The following SGCZ variants were observed in gnomAD, a reference collection of about 807,000 sequenced individuals.
The protein encoded by SGCZ is zeta-sarcoglycan.
Under a neutral mutation model 41.3 loss-of-function variants are expected in SGCZ, and 40 were observed. That is an observed-to-expected ratio of 0.97 (90% CI 0.75 to 1.26). The LOEUF (loss-of-function observed/expected upper bound fraction) is 1.26. Ranked by LOEUF, SGCZ falls within the 50% of genes most tolerant of loss-of-function variation. SGCZ has a pLI of 0.00. For synonymous variants in SGCZ, 206 were observed against 137.5 expected (o/e 1.50, Z -3.49); for missense variants, 552 against 369.8 (o/e 1.49, Z -4.04).
intron 1 of SGCZ, among the ~76,000 whole-genome samples, chr8:15,139,713 T>A (rs1808250540): frequency 6.6e-6 from 1 of 152,200 alleles, no homozygotes; most frequent in African/African-American, 2.4e-5. Context: ...ATTAGATCTC[T>A]AGACCTGTAC....
chr8:15,140,642 T>C (rs1808285093), intron 1 of SGCZ, among the ~76,000 whole-genome samples: 1 of 152,186 alleles, frequency 6.6e-6, no homozygotes, highest in Admixed American at 6.5e-5. Flanking sequence ...ACAATAATTT[T>C]ATATTTACTT....
chr8:14,572,263 G>T (rs756480749), intron 1 of SGCZ, among the ~76,000 whole-genome samples: 5 of 151,962 alleles, frequency 3.3e-5, no homozygotes, highest in African/African-American at 4.8e-5. Flanking sequence ...TTTATAATCT[G>T]AAAATAAAGT....
intron 1 of SGCZ, among the ~76,000 whole-genome samples, chr8:15,013,840 G>A (rs1009948404): frequency 1.3e-5 from 2 of 152,098 alleles, no homozygotes; most frequent in African/African-American, 2.4e-5. Flanking sequence ...AACAGCAAAC[G>A]AGGCATGTTT....
At chr8:14,732,116 C>G (rs976063811) in intron 1 of SGCZ, among the ~76,000 whole-genome samples, 3 of 152,182 alleles carry the variant, frequency 2.0e-5, no homozygotes, top group African/African-American at 7.2e-5. Context: ...ACACTCTATT[C>G]TTTGATTATT....
chr8:14,836,398 T>C (rs1802703954), intron 1 of SGCZ, among the ~76,000 whole-genome samples: 1 of 152,174 alleles, frequency 6.6e-6, no homozygotes, highest in Non-Finnish European at 1.5e-5. Flanking sequence ...GCTTCCAAAA[T>C]GTAGGTGTTA....
chr8:15,096,935 T>G (rs1230870933), intron 1 of SGCZ, among the ~76,000 whole-genome samples: 1 of 152,130 alleles, frequency 6.6e-6, no homozygotes, highest in Non-Finnish European at 1.5e-5. Flanking sequence ...TCCACCCACC[T>G]CGGCCTCCCA....
intron 2 of SGCZ, among the ~76,000 whole-genome samples, chr8:14,432,475 C>T (rs1010693931): frequency 1.3e-5 from 2 of 152,178 alleles, no homozygotes; most frequent in Non-Finnish European, 1.5e-5. Flanking sequence ...GGGAACTAAG[C>T]TATGCATATG....
chr8:14,175,230 A>G (rs1487725068), intron 4 of SGCZ, among the ~76,000 whole-genome samples: 1 of 152,178 alleles, frequency 6.6e-6, no homozygotes, highest in East Asian at 1.9e-4. Flanking sequence ...AGATATTTAC[A>G]GACTAATAAA....
chr8:14,545,095 C>G (rs1325202852), intron 2 of SGCZ, among the ~76,000 whole-genome samples: 1 of 151,282 alleles, frequency 6.6e-6, no homozygotes, highest in East Asian at 1.9e-4. Flanking sequence ...TGTACTGTCT[C>G]TCTTTATTTC....
intron 3 of SGCZ, among the ~76,000 whole-genome samples, chr8:14,299,828 A>G (rs1338739239): frequency 6.6e-6 from 1 of 151,690 alleles, no homozygotes; most frequent in Non-Finnish European, 1.5e-5. Flanking sequence ...TAATGAATTT[A>G]TATGTCTGAA....
intron 1 of SGCZ, among the ~76,000 whole-genome samples, chr8:15,208,053 T>G (rs1585675131): frequency 6.6e-6 from 1 of 152,208 alleles, no homozygotes; most frequent in African/African-American, 2.4e-5. Context: ...TAGTTTTATG[T>G]GTCTACTAAA....
chr8:14,146,890 A>AAAAAAAAAAAAAAAAAATAATAATAAT (rs1182329393), intron 5 of SGCZ, among the ~76,000 whole-genome samples: 1 of 116,182 alleles, frequency 8.6e-6, no homozygotes, highest in African/African-American at 3.6e-5. Context: ...AAAATAAAAA[A>AAAAAAAAAAAAAAAAAATAATAATAAT]AATAATAATA....
intron 2 of SGCZ, among the ~76,000 whole-genome samples, chr8:14,421,425 G>A (rs1799633848): frequency 6.6e-6 from 1 of 152,096 alleles, no homozygotes; most frequent in African/African-American, 2.4e-5. Context: ...ATTAATGCAT[G>A]TATATACCAG....
intron 1 of SGCZ, among the ~76,000 whole-genome samples, chr8:15,214,252 C>A (rs192557355): frequency 1.3e-5 from 2 of 151,870 alleles, no homozygotes; most frequent in Non-Finnish European, 2.9e-5. Context: ...AATACTGTCA[C>A]GATAACTAAG....
intron 1 of SGCZ, among the ~76,000 whole-genome samples, chr8:15,013,833 A>T (rs1053870673): frequency 6.6e-6 from 1 of 152,242 alleles, no homozygotes; most frequent in Non-Finnish European, 1.5e-5. Context: ...ACAAGAAAAC[A>T]GCAAACGAGG....
At chr8:14,947,727 A>G (rs1020516128) in intron 1 of SGCZ, among the ~76,000 whole-genome samples, 1 of 152,198 alleles carries the variant, frequency 6.6e-6, no homozygotes. Context: ...ATTAAATATG[A>G]TGTTACCTCA....
intron 1 of SGCZ, among the ~76,000 whole-genome samples, chr8:14,723,690 G>A (rs182308602): frequency 1.3e-5 from 2 of 151,562 alleles, no homozygotes; most frequent in Non-Finnish European, 2.9e-5. Flanking sequence ...ATATGTCTGT[G>A]TCTATGCATA....
At chr8:14,910,687 C>T (rs1563356893) in intron 1 of SGCZ, among the ~76,000 whole-genome samples, 1 of 151,712 alleles carries the variant, frequency 6.6e-6, no homozygotes, top group Non-Finnish European at 1.5e-5. Context: ...GCTATTGATT[C>T]TTTTAAAGCA....
At chr8:14,670,313 TC>T (rs33982079) in intron 1 of SGCZ, among the ~76,000 whole-genome samples, 82,894 of 151,738 alleles carry the variant, frequency 0.55, 24,182 homozygotes, top group East Asian at 0.76. Context: ...TATTTACTAT[TC>T]CCCCCCAAAT....
Sources: allele counts gnomAD v4.1 joint callset (sites outside exome capture counted in the v4.1 genomes callset), GRCh38; gene constraint gnomAD v4.1.1; transcripts MANE v1.5; gene names NCBI Gene and HGNC (gene_info 2026-07-23, HGNC 2026-07-21).